MLIP: variants seen among roughly 807,000 people sequenced by gnomAD.
The protein encoded by MLIP is muscular LMNA interacting protein.
Under a neutral mutation model 84.8 loss-of-function variants are expected in MLIP, and 79 were observed. That is an observed-to-expected ratio of 0.93 (90% CI 0.78 to 1.12). The LOEUF is 1.12. Ranked by LOEUF, MLIP falls within the 50% of genes most tolerant of loss-of-function variation. MLIP has a pLI of 0.00. For synonymous variants in MLIP, 504 were observed against 463.0 expected (o/e 1.09, Z -1.14); for missense variants, 1,257 against 1,160.6 (o/e 1.08, Z -1.21).
intron 11 of MLIP, among the ~76,000 whole-genome samples, chr6:54,220,773 G>A (rs1336267283): frequency 6.6e-6 from 1 of 152,104 alleles, no homozygotes; most frequent in Admixed American, 6.5e-5. Context: ...TAAAAAATTT[G>A]TTCTCTAAAG....
In MLIP at chr6:54,137,646, C is replaced by T; in HGVS notation, c.1577C>T (p.Thr526Ile). The T allele has an allele frequency of 5.9e-6, 9 of 1,536,088 alleles. No individual in the cohort carries two copies. The highest frequency in any genetic ancestry group is 7.8e-6 in the Non-Finnish European group (9 of 1,146,878). ...CTTGCTTCCATGAATGTAGAGAGAA[C>T]ACCATCACCTACTTTGAAGAGCAAT... ...SSLASMNVER[T>I]PSPTLKSNTM... is the part of the protein sequence containing the mutation. The change falls in exon 4 of 14, where the codon ACA becomes ATA. Residue 526 changes from threonine (T) to isoleucine (I), a missense_variant. By Grantham distance (89) the Thr-to-Ile change is moderately conservative (BLOSUM62 -1). Coordinates refer to ENST00000502396, the MANE Select transcript of MLIP (RefSeq NM_001281747.2).
Position 54,069,090 on chromosome 6 carries a change from C to T in MLIP, c.63+49999C>T, listed in dbSNP as rs1380183694. Among the ~76,000 whole-genome samples, 2 of 101,346 alleles carry T rather than the reference C, an allele frequency of 2.0e-5. 1 individual carries two copies. The highest frequency in any genetic ancestry group is 5.1e-5 in the African/African-American group (2 of 39,432). The allele number at this position is 101,346 out of a possible 152,430, so 66.5% of individuals were successfully genotyped here. On this transcript the variant is annotated intron_variant, in intron 1 of 12. Transcript: ENST00000274897. ...GTCCTGACTGGTATGGGGATGCATC[C>T]GCAGGTCACTTCGTTCATGTTCAGT...
intron 12 of MLIP, among the ~76,000 whole-genome samples, chr6:54,246,275 A>G (rs1276676521): frequency 6.6e-6 from 1 of 152,200 alleles, no homozygotes; most frequent in Non-Finnish European, 1.5e-5. Flanking sequence ...TCAAAGCATT[A>G]GAAGTCCAAC....
At chr6:54,184,466 C>A (rs1777196572) in intron 9 of MLIP, among the ~76,000 whole-genome samples, 1 of 152,182 alleles carries the variant, frequency 6.6e-6, no homozygotes, top group Admixed American at 6.5e-5. Flanking sequence ...ATGTGAAATG[C>A]TGCAGATTGC....
chr6:54,111,627 C>T (rs907774123), intron 1 of MLIP, 52 bp downstream of exon 1: 21 of 1,516,572 alleles, frequency 1.4e-5, no homozygotes, highest in South Asian at 3.6e-5. Context: ...AAGCAGTGTA[C>T]GGTGCTGGTG....
At chr6:54,046,477 A>G (rs960722124) in intron 1 of MLIP, 2 of 152,154 alleles carry the variant, frequency 1.3e-5, no homozygotes, top group African/African-American at 2.4e-5. Context: ...GCAAGTTTCA[A>G]ACTGTATCTT....
At position 54,137,829 on chromosome 6, in the gene MLIP, C is replaced by G. The variant is rs746730961; in HGVS notation, c.1760C>G (p.Ala587Gly). ...RNIHTYPSTLASSALSSLSPP... is the reference protein window; with the variant it reads ...RNIHTYPSTLGSSALSSLSPP... ...ATTCACACGTACCCTTCTACATTAG[C>G]CTCCTCTGCATTATCTTCTCTATCT... Residue 587 changes from alanine to glycine, a missense_variant, in exon 4 of 14, where the codon GCC (alanine) becomes GGC (glycine). Coordinates refer to ENST00000502396, the MANE Select transcript of MLIP (RefSeq NM_001281747.2). The G allele has an allele frequency of 1.3e-6, 2 of 1,535,966 alleles. No individual in the cohort carries two copies. The highest frequency in any genetic ancestry group is 2.7e-5 in the African/African-American group (2 of 73,032).
chr6:54,260,360 G>A (rs1245594083), intron 13 of MLIP, among the ~76,000 whole-genome samples: 1 of 151,784 alleles, frequency 6.6e-6, no homozygotes, highest in Non-Finnish European at 1.5e-5. Flanking sequence ...ATTGACTTTT[G>A]AAACACACCA....
At chr6:54,145,775 C>G (rs1230101269) in intron 4 of MLIP, among the ~76,000 whole-genome samples, 1 of 150,242 alleles carries the variant, frequency 6.7e-6, no homozygotes, top group Admixed American at 6.6e-5. Flanking sequence ...GACTCTGTCC[C>G]CCACCACCCC....
chr6:54,161,766 T>A lies in MLIP; in HGVS notation c.2499+967T>A, dbSNP rs574945248. Among the ~76,000 whole-genome samples, 6 of 152,098 alleles carry A rather than the reference T, an allele frequency of 3.9e-5. No homozygotes were observed. The East Asian group carries it at 1.2e-3, about 29-fold the overall frequency. On this transcript the variant is annotated intron_variant, in intron 8 of 13. Coordinates refer to ENST00000502396, the MANE Select transcript of MLIP (RefSeq NM_001281747.2). Reference sequence around the variant, plus strand: ...ACCCAGTAATCAATTATTGTCATATTAATTATATTTTAGCAGAGGACTCAC... The same window carrying A: ...ACCCAGTAATCAATTATTGTCATATAAATTATATTTTAGCAGAGGACTCAC...
intron 11 of MLIP, among the ~76,000 whole-genome samples, chr6:54,206,315 A>G (rs1431690120): frequency 6.6e-6 from 1 of 152,166 alleles, no homozygotes; most frequent in Non-Finnish European, 1.5e-5. Context: ...TATTAGATAT[A>G]TTGATACTTT....
chr6:54,074,953 G>GA (rs939944205), intron 1 of MLIP, among the ~76,000 whole-genome samples: 8 of 151,792 alleles, frequency 5.3e-5, no homozygotes, highest in African/African-American at 1.5e-4. Context: ...ATTTGCTTGA[G>GA]AAAAAAAATT....
intron 11 of MLIP, among the ~76,000 whole-genome samples, chr6:54,208,021 G>A (rs1449791107): frequency 6.6e-6 from 1 of 151,834 alleles, no homozygotes; most frequent in Non-Finnish European, 1.5e-5. Flanking sequence ...CCAGCTACTC[G>A]GGAGGCTGAG....
intron 12 of MLIP, among the ~76,000 whole-genome samples, chr6:54,241,593 T>G (rs961197547): frequency 2.0e-5 from 3 of 152,274 alleles, no homozygotes; most frequent in African/African-American, 7.2e-5. Context: ...TATGATTTCC[T>G]TTTTTAAAAA....
At chr6:54,037,245 C>T in intron 1 of MLIP, among the ~76,000 whole-genome samples, 1 of 151,940 alleles carries the variant, frequency 6.6e-6, no homozygotes, top group East Asian at 1.9e-4. Context: ...GACAGGGGTA[C>T]ATCGTACAGC....
intron 8 of MLIP, among the ~76,000 whole-genome samples, chr6:54,167,903 C>T (rs906268317): frequency 6.6e-6 from 1 of 151,846 alleles, no homozygotes; most frequent in Admixed American, 6.6e-5. Flanking sequence ...CTTTCTCTCT[C>T]TATACCTGTG....
intron 3 of MLIP, among the ~76,000 whole-genome samples, chr6:54,130,150 T>C (rs1367108831): frequency 6.6e-6 from 1 of 152,182 alleles, no homozygotes; most frequent in Admixed American, 6.5e-5. Flanking sequence ...GCTCTGATGC[T>C]GGCAGAATCC....
intron 9 of MLIP, among the ~76,000 whole-genome samples, chr6:54,188,250 C>T (rs1777588387): frequency 6.6e-6 from 1 of 152,126 alleles, no homozygotes; most frequent in Non-Finnish European, 1.5e-5. Flanking sequence ...AGACTTTTAG[C>T]TACATTAAGT....
rs1049801288 is a variant in MLIP, at chr6:54,138,075, C to A, written c.2006C>A (p.Thr669Asn). The A allele has an allele frequency of 1.8e-5, 28 of 1,536,048 alleles. No homozygotes were observed. In the Admixed American group the frequency reaches 2.7e-4, roughly 15 times the overall value. ...TCTCTCCCTCATGCCAATCTGCCCA[C>A]CCTGGTGCCCCAGCTCAGTCCCTCA... ...SSSLPHANLPTLVPQLSPSAL... is the reference protein window; with the variant it reads ...SSSLPHANLPNLVPQLSPSAL... The change falls in exon 4 of 14, where the codon ACC becomes AAC. Residue 669 changes from threonine (T) to asparagine (N), a missense_variant. Thr to Asn is a moderately conservative substitution (Grantham distance 65, BLOSUM62 0). Coordinates refer to ENST00000502396, the MANE Select transcript of MLIP (RefSeq NM_001281747.2).
Sources: gnomAD v4.1 joint callset for allele counts (sites outside exome capture counted in the v4.1 genomes callset) on GRCh38, gnomAD v4.1.1 for gene constraint, MANE v1.5 for transcripts, NCBI Gene and HGNC (gene_info 2026-07-23, HGNC 2026-07-21) for gene names.